The following ADGRA3 variants were observed in gnomAD, a reference collection of about 807,000 sequenced individuals.
ADGRA3 encodes the protein adhesion G protein-coupled receptor A3, also known as G-protein coupled receptor 125.
Under a neutral mutation model 119.8 loss-of-function variants are expected in ADGRA3, and 56 were observed. The observed-to-expected ratio is 0.47, with a 90% CI of 0.38 to 0.58. The LOEUF is 0.58. ADGRA3 is among the 20% of genes least tolerant of loss of function. The probability of loss-of-function intolerance (pLI) is 0.00; values close to 1 mark genes in which losing one functional copy is unlikely to be tolerated. For missense variants in ADGRA3, 1,516 were observed against 1,649.0 expected, an observed-to-expected ratio of 0.92 and a Z score of 1.40; for synonymous variants, 607 against 623.8, an observed-to-expected ratio of 0.97 and a Z score of 0.40.
chr4:22,454,901 T>C lies in ADGRA3; in HGVS notation c.438A>G (p.Ala146=), dbSNP rs754934701. The part of the protein sequence containing the change: ...LTNNRIGCLN[A]DIFRGLTNLV... ...GATTGGTGAGTCCTCGAAATATGTC[T>C]GCATTCAGACATCCTATTCGATTGT... The change falls in exon 4 of 19, where the codon GCA becomes GCG. Residue 146 remains alanine (A), a synonymous_variant. Transcript: ENST00000334304. 2.5e-6 allele frequency: 4 copies of C among 1,613,848 alleles called. No homozygotes were observed. In the South Asian group the frequency reaches 4.4e-5, roughly 18 times the overall value.
At chr4:22,496,426 G>A (rs995732835) in intron 1 of ADGRA3, among the ~76,000 whole-genome samples, 4 of 152,108 alleles carry the variant, frequency 2.6e-5, no homozygotes, top group Admixed American at 2.6e-4. Context: ...GGCACACTCG[G>A]CAAACATTAC....
intron 16 of ADGRA3, chr4:22,393,591 T>TA (rs1714229729): frequency 6.6e-6 from 1 of 152,182 alleles, no homozygotes; most frequent in African/African-American, 2.4e-5. Context: ...CAAAGTCACG[T>TA]AAGACCTAAA....
rs768480602 is a variant in ADGRA3, at chr4:22,424,360, G to A, written c.1444-8C>T. The A allele has an allele frequency of 1.2e-5, 20 of 1,605,634 alleles. No individual in the cohort carries two copies. Among genetic ancestry groups the A allele is most frequent in the Non-Finnish European group, 1.7e-5 (20 of 1,175,260 alleles). On this transcript the variant is annotated splice_polypyrimidine_tract_variant and splice_region_variant and intron_variant, in intron 10 of 18. Coordinates refer to ENST00000334304, the MANE Select transcript of ADGRA3 (RefSeq NM_145290.4). The stretch of plus-strand genomic sequence containing the variant: ...AACCATCACGTCACCTAGCTAGCAG[G>A]GGTTCAGGAGAAAAAAGAAAGATCT...
At chr4:22,446,223 A>G (rs1364392221) in intron 5 of ADGRA3, among the ~76,000 whole-genome samples, 2 of 152,160 alleles carry the variant, frequency 1.3e-5, no homozygotes, top group African/African-American at 4.8e-5. Context: ...AATTTAAATA[A>G]TACCAGAAGG....
rs570813499 is a variant in ADGRA3, at chr4:22,396,547, C to T, written c.2482-3857G>A. ...TCACATAAGCTGTTCTGGCAGGACA[C>T]AAAATTAGAACCCAGCTACTAGGAT... On this transcript the variant is annotated intron_variant, in intron 16 of 18. Transcript: ENST00000334304. Among the ~76,000 whole-genome samples the T allele has an allele frequency of 6.6e-5, 10 of 152,226 alleles. 1 individual carries two copies. In the East Asian group the frequency reaches 1.5e-3, roughly 24 times the overall value.
rs143736683 is a variant in ADGRA3, at chr4:22,510,290, G to A, written c.257+5238C>T. On this transcript the variant is annotated intron_variant, in intron 1 of 18. Transcript: ENST00000334304. ...CCTGTGATGCATGGACACTGCTCAC[G>A]GAGGGCACCAGACTCCTGGCCATCA... 3.3e-4 allele frequency among the ~76,000 whole-genome samples: 50 copies of A among 152,216 alleles called. No homozygotes were observed. The South Asian group carries it at 5.6e-3, about 17-fold the overall frequency.
intron 3 of ADGRA3, chr4:22,455,978 A>T (rs1717221754): frequency 2.4e-6 from 1 of 409,468 alleles, no homozygotes. Context: ...AAACTTTCAA[A>T]AATATTTTCA....
chr4:22,420,172 T>A (rs1456553159), intron 12 of ADGRA3: 2 of 152,162 alleles, frequency 1.3e-5, no homozygotes, highest in Non-Finnish European at 2.9e-5. Flanking sequence ...AAGACAGAAA[T>A]AAAGTACTGT....
At position 22,403,286 on chromosome 4, in the gene ADGRA3, T is replaced by C. The variant is rs117418406; in HGVS notation, c.2233-487A>G. On this transcript the variant is annotated intron_variant, in intron 14 of 18. Transcript: ENST00000334304. The stretch of plus-strand genomic sequence containing the variant: ...AAATACAAACGGACCAAACACTGCA[T>C]AGGGCATTGGAGACATAACGGTAAG... Among the ~76,000 whole-genome samples, 889 of 152,128 alleles carry C rather than the reference T, an allele frequency of 5.8e-3. 15 individuals are homozygous for C. Among genetic ancestry groups the C allele is most frequent in the East Asian group, 0.045 (229 of 5,130 alleles).
chr4:22,503,220 G>C (rs1477671414), intron 1 of ADGRA3, among the ~76,000 whole-genome samples: 2 of 151,940 alleles, frequency 1.3e-5, no homozygotes, highest in Non-Finnish European at 2.9e-5. Flanking sequence ...GTTTACATTT[G>C]GTCTCATTTA....
chr4:22,455,060 A>G, intron 3 of ADGRA3, 123 bp from the exon 4 acceptor site: 1 of 684,208 alleles, frequency 1.5e-6, no homozygotes, highest in Non-Finnish European at 2.6e-6. Context: ...CAACTTTGAG[A>G]TATTTACTGT....
At chr4:22,495,486 G>A (rs1475770988) in intron 1 of ADGRA3, among the ~76,000 whole-genome samples, 1 of 152,036 alleles carries the variant, frequency 6.6e-6, no homozygotes, top group East Asian at 1.9e-4. Flanking sequence ...CCATGAATAA[G>A]GTGGGGGACT....
intron 1 of ADGRA3, among the ~76,000 whole-genome samples, chr4:22,479,393 G>A (rs1377769918): frequency 6.6e-6 from 1 of 151,960 alleles, no homozygotes; most frequent in Non-Finnish European, 1.5e-5. Context: ...AACCCGGGAG[G>A]CGGAGCTTGC....
intron 1 of ADGRA3, among the ~76,000 whole-genome samples, chr4:22,476,894 T>G (rs149949249): frequency 6.6e-6 from 1 of 152,156 alleles, no homozygotes; most frequent in Non-Finnish European, 1.5e-5. Flanking sequence ...TTCGAACTCC[T>G]GACCTCAGAT....
intron 1 of ADGRA3, among the ~76,000 whole-genome samples, chr4:22,508,793 C>T (rs936565571): frequency 2.0e-5 from 3 of 152,128 alleles, no homozygotes; most frequent in African/African-American, 7.2e-5. Flanking sequence ...GGCAAAACTG[C>T]AAAAAGATCC....
chr4:22,415,884 G>A (rs919281655), intron 12 of ADGRA3, among the ~76,000 whole-genome samples: 1 of 151,602 alleles, frequency 6.6e-6, no homozygotes, highest in African/African-American at 2.4e-5. Context: ...CATATTACTG[G>A]GTAACCAGAG....
At chr4:22,480,306 T>C (rs1469078837) in intron 1 of ADGRA3, among the ~76,000 whole-genome samples, 1 of 152,058 alleles carries the variant, frequency 6.6e-6, no homozygotes, top group African/African-American at 2.4e-5. Flanking sequence ...CAAATAACTT[T>C]TCACAGTGGG....
chr4:22,411,179 CTT>C (rs754985252), intron 14 of ADGRA3, among the ~76,000 whole-genome samples: 6 of 152,148 alleles, frequency 3.9e-5, no homozygotes, highest in South Asian at 2.1e-4. Context: ...TTCTTGTTAA[CTT>C]ATAAATTTCT....
At chr4:22,425,525 T>C (rs1715895504) in intron 10 of ADGRA3, among the ~76,000 whole-genome samples, 1 of 152,122 alleles carries the variant, frequency 6.6e-6, no homozygotes, top group Admixed American at 6.5e-5. Flanking sequence ...AAAACGTTTA[T>C]AAGAGGGAGA....
Sources: gnomAD v4.1 joint callset for allele counts (sites outside exome capture counted in the v4.1 genomes callset) on GRCh38, gnomAD v4.1.1 for gene constraint, MANE v1.5 for transcripts, NCBI Gene and HGNC (gene_info 2026-07-23, HGNC 2026-07-21) for gene names.